Variants in SH3TC1 observed in about 807,000 individuals in gnomAD.
The protein encoded by SH3TC1 is SH3 domain and tetratricopeptide repeat-containing protein 1.
Under a neutral mutation model 117.3 loss-of-function variants are expected in SH3TC1, and 135 were observed. The observed-to-expected ratio is 1.15, with a 90% CI of 1.00 to 1.33. The LOEUF (loss-of-function observed/expected upper bound fraction) is 1.33, where lower values mean the gene tolerates loss of function less well. SH3TC1 is among the 40% of genes most tolerant of loss of function. The probability of loss-of-function intolerance (pLI) is 0.00; values close to 1 mark genes in which losing one functional copy is unlikely to be tolerated. For synonymous variants in SH3TC1, 898 were observed against 816.9 expected, an observed-to-expected ratio of 1.10 and a Z score of -1.69; for missense variants, 2,092 against 1,794.3, an observed-to-expected ratio of 1.17 and a Z score of -3.00.
At chr4:8,222,783 G>A in intron 9 of SH3TC1, 57 bp from the exon 10 acceptor site, 1 of 1,586,594 alleles carries the variant, frequency 6.3e-7, no homozygotes, top group Non-Finnish European at 8.6e-7. Context: ...TGTGCTTAGT[G>A]TGAAATGCTG....
In SH3TC1 at chr4:8,227,110, C is replaced by T; in HGVS notation, c.1416C>T (p.Ser472=). Residue 472 remains serine (S), a synonymous_variant, in exon 12 of 18, where the codon TCC becomes TCT. Coordinates refer to ENST00000245105, the MANE Select transcript of SH3TC1 (RefSeq NM_018986.5). ...EPASWGLCAA[S]SDVSLQDPEE... Reference sequence around the variant, plus strand: ...CGTCCTGGGGTCTCTGTGCGGCATCCAGCGACGTGAGCTTGCAGGACCCCG... The same window carrying T: ...CGTCCTGGGGTCTCTGTGCGGCATCTAGCGACGTGAGCTTGCAGGACCCCG... 1 of 1,612,732 alleles carries T rather than the reference C, an allele frequency of 6.2e-7. No individual in the cohort carries two copies. Among genetic ancestry groups the T allele is most frequent in the South Asian group, 1.1e-5 (1 of 91,022 alleles).
intron 12 of SH3TC1, among the ~76,000 whole-genome samples, chr4:8,230,854 C>T (rs888675418): frequency 1.3e-5 from 2 of 148,910 alleles, no homozygotes; most frequent in South Asian, 2.1e-4. Context: ...GCAATCTCGG[C>T]TCACTGCAAC....
Position 8,227,804 on chromosome 4 carries a change from G to C in SH3TC1, c.2110G>C (p.Ala704Pro). The change falls in exon 12 of 18, where the codon GCG becomes CCG. Residue 704 changes from alanine to proline, a missense_variant. By Grantham distance (27) the Ala-to-Pro change is conservative. Coordinates refer to ENST00000245105, the MANE Select transcript of SH3TC1 (RefSeq NM_018986.5). ...CAGGGACTCGGGAGCCCCAGAGGCC[G>C]CGTGGCTCTCAGACTGCTACCTACT... ...LHRDSGAPEA[A>P]WLSDCYLLLA... The C allele has an allele frequency of 1.2e-6, 2 of 1,612,764 alleles. No homozygotes were observed. Among genetic ancestry groups the C allele is most frequent in the Non-Finnish European group, 1.7e-6 (2 of 1,179,954 alleles).
chr4:8,239,572 GCA>G (rs756736158), intron 17 of SH3TC1, among the ~76,000 whole-genome samples: 5 of 149,612 alleles, frequency 3.3e-5, no homozygotes, highest in African/African-American at 7.4e-5. Context: ...ACACGCAAAT[GCA>G]CAGAGGCACA....
rs575331055 is a variant in SH3TC1 at position 8,192,164 on chromosome 4, A to ATT, written c.-57+9962_-57+9963dup. On this transcript the variant is annotated intron_variant, in intron 1 of 16. Transcript: ENST00000508641. The surrounding 1 kb of genome is among the most constrained non-coding windows in gnomAD (Gnocchi z 4.1). ...GCCACCACACTCAGCTAATTTTTGT[A>ATT]TTTTTTTTTATTAGAGATGGGATTT... 2.3e-4 allele frequency among the ~76,000 whole-genome samples: 35 copies of ATT among 150,346 alleles called. No homozygotes were observed. The highest frequency in any genetic ancestry group is 8.5e-4 in the African/African-American group (35 of 40,962).
At position 8,236,297 on chromosome 4, in the gene SH3TC1, C is replaced by T. The variant is rs1425571815; in HGVS notation, c.3425C>T (p.Ala1142Val). The change falls in exon 16 of 18, where the codon GCA becomes GTA. Residue 1142 changes from alanine (A) to valine (V), a missense_variant. Physicochemically the swap from Ala to Val is moderately conservative, Grantham distance 64. Coordinates refer to ENST00000245105, the MANE Select transcript of SH3TC1 (RefSeq NM_018986.5). ...SFYRDRALPL[A>V]VTTGNRKAEL... The stretch of plus-strand genomic sequence containing the variant: ...TGGCAGGACCGGGCCCTGCCCCTGG[C>T]AGTGACTACGGGCAACCGCAAGGCG... 6.4e-7 allele frequency: 1 copy of T among 1,555,538 alleles called. No individual in the cohort carries two copies. The highest frequency in any genetic ancestry group is 8.7e-7 in the Non-Finnish European group (1 of 1,150,346).
At chr4:8,237,453 C>T (rs759258684) in intron 16 of SH3TC1, 21 bp from the exon 17 acceptor site, 107 of 1,504,822 alleles carry the variant, frequency 7.1e-5, no homozygotes, top group Non-Finnish European at 9.4e-5. Context: ...CTCACACCTG[C>T]CCCCTTGGCC....
Position 8,227,438 on chromosome 4 carries a change from T to C in SH3TC1, c.1744T>C (p.Tyr582His). 6.4e-7 allele frequency: 1 copy of C among 1,558,254 alleles called. No individual in the cohort carries two copies. The highest frequency in any genetic ancestry group is 8.6e-7 in the Non-Finnish European group (1 of 1,156,088). Reference sequence around the variant, plus strand: ...GCTCAAGCTGTCCCAGGCCCGGGTGTACTTTGAGGAAGCGCTGGGGGCCCT... The same window carrying C: ...GCTCAAGCTGTCCCAGGCCCGGGTGCACTTTGAGGAAGCGCTGGGGGCCCT... ...RRLKLSQARV[Y>H]FEEALGALEG... is the part of the protein sequence containing the mutation. The change falls in exon 12 of 18, where the codon TAC (tyrosine) becomes CAC (histidine). Residue 582 changes from tyrosine (Y) to histidine (H), a missense_variant. Tyr to His is a moderately conservative substitution (Grantham distance 83). Coordinates refer to ENST00000245105, the MANE Select transcript of SH3TC1 (RefSeq NM_018986.5).
At position 8,228,091 on chromosome 4, in the gene SH3TC1, T is replaced by C; in HGVS notation, c.2397T>C (p.His799=). ...YTSLAQLYSH[H]GCHGPAITFM... ...GCTTGGCCCAGCTGTACAGCCACCA[T>C]GGCTGCCACGGCCCGGCCATCACCT... The change falls in exon 12 of 18, where the codon CAT becomes CAC. Residue 799 remains histidine, a synonymous_variant. Transcript: ENST00000245105. 1 of 1,609,042 alleles carries C rather than the reference T, an allele frequency of 6.2e-7. No individual in the cohort carries two copies. Among genetic ancestry groups the C allele is most frequent in the Non-Finnish European group, 8.5e-7 (1 of 1,177,512 alleles).
At chr4:8,215,297 C>A (rs529011010) in intron 5 of SH3TC1, 137 of 453,444 alleles carry the variant, frequency 3.0e-4, no homozygotes, top group African/African-American at 2.1e-3. Flanking sequence ...CAGGCTCTAA[C>A]GGAGCCTCCC....
intron 13 of SH3TC1, 154 bp from the exon 14 acceptor site, chr4:8,233,209 C>T (rs972099032): frequency 1.4e-6 from 2 of 1,414,274 alleles, no homozygotes; most frequent in Non-Finnish European, 1.8e-6. Context: ...TCAACCCCAC[C>T]CTCTCAGCAG....
chr4:8,240,935 G>C lies in SH3TC1; in HGVS notation c.3991G>C (p.Ala1331Pro), dbSNP rs1216602158. 23 of 1,611,072 alleles carry C rather than the reference G, an allele frequency of 1.4e-5. No individual in the cohort carries two copies. Among genetic ancestry groups the C allele is most frequent in the Middle Eastern group, 3.3e-4 (2 of 6,058 alleles). ...ACTCTGCGGGTGGGCCCCCTGGTTG[G>C]CCCCCAGCCACCCTCGCTGAGGACA... The part of the protein sequence containing the change: ...LPLCGWAPWL[A>P]PSHPR Residue 1331 changes from alanine (A) to proline (P), a missense_variant, in exon 18 of 18, where the codon GCC becomes CCC. Transcript: ENST00000245105.
intron 9 of SH3TC1, among the ~76,000 whole-genome samples, chr4:8,222,090 AGAGTGCCCT>A (rs1561700260): frequency 6.6e-6 from 1 of 151,952 alleles, no homozygotes; most frequent in Non-Finnish European, 1.5e-5. Context: ...TGACTTTATG[AGAGTGCCCT>A]GAGTGTATGT....
At position 8,227,504 on chromosome 4, in the gene SH3TC1, T is replaced by A; in HGVS notation, c.1810T>A (p.Tyr604Asn). 1 of 1,553,756 alleles carries A rather than the reference T, an allele frequency of 6.4e-7. No homozygotes were observed. The highest frequency in any genetic ancestry group is 8.7e-7 in the Non-Finnish European group (1 of 1,155,936). ...FGDLFLVVAV[Y>N]ANLASIYRKQ... ...GGACCTGTTCCTAGTGGTGGCTGTG[T>A]ACGCCAACCTGGCCAGCATTTACCG... Residue 604 changes from tyrosine (Y) to asparagine (N), a missense_variant, in exon 12 of 18, where the codon TAC (tyrosine) becomes AAC (asparagine). Transcript: ENST00000245105.
chr4:8,205,061 C>A lies in SH3TC1; in HGVS notation c.-28-106C>A. The A allele has an allele frequency of 1.1e-6, 1 of 888,520 alleles. No individual in the cohort carries two copies. The highest frequency in any genetic ancestry group is 1.6e-6 in the Non-Finnish European group (1 of 610,280). 55.0% of individuals were successfully genotyped at this position (888,520 alleles called of 1,614,324 possible). A position where few individuals can be genotyped will look rare whatever the true frequency, so the allele number is the denominator to read the frequency against. ...GCTCGCTGGATCTGAAAGGTGCAGG[C>A]GCTCAGCAACGCTGGTGTTCTCTTT... On this transcript the variant is annotated intron_variant, in intron 1 of 17. Coordinates refer to ENST00000245105, the MANE Select transcript of SH3TC1 (RefSeq NM_018986.5). The surrounding 1 kb of genome is among the most constrained non-coding windows in gnomAD (Gnocchi z 5.4).
chr4:8,210,117 C>T lies in SH3TC1; in HGVS notation c.247+295C>T, dbSNP rs1718531644. 2.0e-5 allele frequency among the ~76,000 whole-genome samples: 3 copies of T among 152,154 alleles called. No homozygotes were observed. The South Asian group carries it at 6.2e-4, about 32-fold the overall frequency. On this transcript the variant is annotated intron_variant, in intron 3 of 17. Coordinates refer to ENST00000245105, the MANE Select transcript of SH3TC1 (RefSeq NM_018986.5). The surrounding 1 kb of genome is among the most constrained non-coding windows in gnomAD (Gnocchi z 4.1). ...ACCCCAGGGAGGGGCTTCACAGGTG[C>T]CATATGGTAAGAGGTAGACGAAAGT...
chr4:8,193,440 C>T (rs190089999), intron 1 of SH3TC1, among the ~76,000 whole-genome samples: 1 of 152,338 alleles, frequency 6.6e-6, no homozygotes, highest in East Asian at 1.9e-4. Flanking sequence ...ATTGTTTGAG[C>T]TGGCCCTGAC....
chr4:8,219,652 C>T (rs1561697952), intron 9 of SH3TC1, 122 bp downstream of exon 9: 2 of 1,114,642 alleles, frequency 1.8e-6, no homozygotes, highest in African/African-American at 1.6e-5. Context: ...GATGCCTAGT[C>T]TCTTCCCTTG....
chr4:8,185,122 G>A (rs950189982), intron 1 of SH3TC1, among the ~76,000 whole-genome samples: 22 of 151,692 alleles, frequency 1.5e-4, no homozygotes, highest in African/African-American at 4.4e-4. Flanking sequence ...GATCACTTGA[G>A]GTCAGGAGTT....
Sources: allele counts gnomAD v4.1 joint callset (sites outside exome capture counted in the v4.1 genomes callset), GRCh38; gene constraint gnomAD v4.1.1; non-coding constraint Gnocchi (gnomAD v3.1); transcripts MANE v1.5; gene names NCBI Gene and HGNC (gene_info 2026-07-23, HGNC 2026-07-21).